The following TEX14 variants were observed in gnomAD, a reference collection of about 807,000 sequenced individuals.
The protein encoded by TEX14 is inactive serine/threonine-protein kinase TEX14.
TEX14 carries 168 observed loss-of-function variants against 178.6 expected under a neutral mutation model. The observed-to-expected ratio is 0.94, with a 90% CI of 0.83 to 1.07. The LOEUF is 1.07. TEX14 is among the 50% of genes least tolerant of loss of function. The pLI is 0.00. For missense variants in TEX14, 1,730 were observed against 1,753.6 expected, an observed-to-expected ratio of 0.99 and a Z score of 0.24; for synonymous variants, 626 against 634.1, an observed-to-expected ratio of 0.99 and a Z score of 0.19.
chr17:58,661,127 T>A (rs747237215), intron 1 of TEX14: 1 of 875,756 alleles, frequency 1.1e-6, no homozygotes, highest in Non-Finnish European at 2.0e-6. Context: ...TATTTTAGCC[T>A]GTCTTTGAGA....
chr17:58,633,242 T>A (rs1226639261), intron 2 of TEX14, among the ~76,000 whole-genome samples: 1 of 152,172 alleles, frequency 6.6e-6, no homozygotes, highest in East Asian at 1.9e-4. Context: ...TCTCAGGAAA[T>A]ATTTCCCTGA....
rs1598432610 is a variant in TEX14 at position 58,670,771 on chromosome 17, T to TCA, written c.-1-18770_-1-18769insTG. On this transcript the variant is annotated intron_variant, in intron 1 of 31. Transcript: ENST00000349033. ...CTGGGCGACAGAGTGAGACTCCCTC[T>TCA]TAAAAAAAAAAAAAAAAAAAAAAAA... 1.6e-3 allele frequency among the ~76,000 whole-genome samples: 13 copies of TCA among 7,956 alleles called. 4 individuals carry two copies. Among genetic ancestry groups the TCA allele is most frequent in the Admixed American group, 4.2e-3 (2 of 474 alleles). The allele number at this position is 7,956 out of a possible 152,430, so 5.2% of individuals were successfully genotyped here. A position where few individuals can be genotyped will look rare whatever the true frequency, so the allele number is the denominator to read the frequency against.
At chr17:58,563,635 A>C in intron 28 of TEX14, among the ~76,000 whole-genome samples, 1 of 25,170 alleles carries the variant, frequency 4.0e-5, no homozygotes, top group African/African-American at 2.0e-4. Flanking sequence ...ATATATATAT[A>C]TATATATATA....
At chr17:58,585,719 T>A in intron 18 of TEX14, 82 bp downstream of exon 18, 1 of 1,411,792 alleles carries the variant, frequency 7.1e-7, no homozygotes. Flanking sequence ...CCTCCCAAAG[T>A]GCTGGAATTA....
At chr17:58,617,086 A>C (rs34556735) in intron 6 of TEX14, among the ~76,000 whole-genome samples, 24,610 of 152,050 alleles carry the variant, frequency 0.16, 2,422 homozygotes, top group Non-Finnish European at 0.21. Context: ...TCCCATCTCT[A>C]CTAAAAATAC....
intron 2 of TEX14, among the ~76,000 whole-genome samples, chr17:58,637,621 G>A (rs1322766894): frequency 1.3e-5 from 2 of 152,348 alleles, no homozygotes; most frequent in African/African-American, 4.8e-5. Flanking sequence ...GGATGGGCCA[G>A]GGAGGGCATG....
At chr17:58,617,025 T>C (rs988648369) in intron 6 of TEX14, among the ~76,000 whole-genome samples, 2 of 152,138 alleles carry the variant, frequency 1.3e-5, no homozygotes, top group East Asian at 3.9e-4. Flanking sequence ...TCAAGGCGGG[T>C]GGACCGATTG....
intron 2 of TEX14, among the ~76,000 whole-genome samples, chr17:58,634,271 G>A (rs2144591239): frequency 6.6e-6 from 1 of 152,000 alleles, no homozygotes; most frequent in East Asian, 1.9e-4. Flanking sequence ...AAATTAGCCG[G>A]GCTTGGTGGC....
intron 1 of TEX14, among the ~76,000 whole-genome samples, chr17:58,680,489 C>A (rs888295633): frequency 1.2e-4 from 19 of 152,150 alleles, no homozygotes; most frequent in African/African-American, 4.6e-4. Flanking sequence ...TGCCTGTAAT[C>A]CCAGCCCTTT....
At chr17:58,643,977 G>A (rs920022407) in intron 2 of TEX14, among the ~76,000 whole-genome samples, 1 of 141,286 alleles carries the variant, frequency 7.1e-6, no homozygotes, top group African/African-American at 2.7e-5. Context: ...GCCTCCTGCA[G>A]CCAGAGCAGC....
chr17:58,587,621 G>A lies in TEX14; in HGVS notation c.2748C>T (p.Ser916=), dbSNP rs755694361. The A allele has an allele frequency of 3.1e-6, 5 of 1,606,798 alleles. No homozygotes were observed. In the Admixed American group the frequency reaches 6.9e-5, roughly 22 times the overall value. ...GTACCTTTCCATCATCTTTATTTCT[G>A]GACTCTGCATTATAGATTTCAGAAG... ...PVSSEIYNAE[S]RNKDDGKVHL... Residue 916 remains serine, a synonymous_variant, in exon 17 of 32, where the codon TCC becomes TCT. Coordinates refer to ENST00000349033, the MANE Select transcript of TEX14 (RefSeq NM_031272.5).
chr17:58,584,816 GCTTGA>G (rs1223143430), intron 18 of TEX14, among the ~76,000 whole-genome samples: 1 of 152,168 alleles, frequency 6.6e-6, no homozygotes, highest in East Asian at 1.9e-4. Context: ...CGAGAGTGAT[GCTTGA>G]CAAGAAACAG....
chr17:58,666,458 C>CAAACAA lies in TEX14; in HGVS notation c.-1-14457_-1-14456insTTGTTT, dbSNP rs1555583923. Reference sequence around the variant, plus strand: ...ACAAAGTGAAACAAACCTTCCACGGCAAAAAAAAAAAAAAAAAAAAAAAAA... The same window carrying CAAACAA: ...ACAAAGTGAAACAAACCTTCCACGGCAAACAAAAAAAAAAAAAAAAAAAAAAAAAAA... On this transcript the variant is annotated intron_variant, in intron 1 of 31. Transcript: ENST00000349033. 157 of 36,850 alleles carry CAAACAA rather than the reference C, an allele frequency of 4.3e-3. 1 individual carries two copies. Among genetic ancestry groups the CAAACAA allele is most frequent in the Middle Eastern group, 0.028 (1 of 36 alleles). The allele number at this position is 36,850 out of a possible 1,614,324, so 2.3% of individuals were successfully genotyped here.
chr17:58,593,888 G>A (rs1453867709), intron 14 of TEX14, among the ~76,000 whole-genome samples: 3 of 152,104 alleles, frequency 2.0e-5, no homozygotes, highest in Non-Finnish European at 4.4e-5. Flanking sequence ...AGGCTGGAGT[G>A]CAGTGGCAAG....
chr17:58,567,947 T>G (rs1042800307), intron 26 of TEX14: 1 of 152,262 alleles, frequency 6.6e-6, no homozygotes, highest in Admixed American at 6.5e-5. Context: ...AGAGAAAAAG[T>G]ATCAGCTATG....
At position 58,588,021 on chromosome 17, in the gene TEX14, G is replaced by A. The variant is rs758175253; in HGVS notation, c.2577C>T (p.Ser859=). 1 of 1,058,576 alleles carries A rather than the reference G, an allele frequency of 9.4e-7. No homozygotes were observed. The highest frequency in any genetic ancestry group is 1.3e-5 in the South Asian group (1 of 79,828). The allele number at this position is 1,058,576 out of a possible 1,614,324, so 65.6% of individuals were successfully genotyped here. A position where few individuals can be genotyped will look rare whatever the true frequency, so the allele number is the denominator to read the frequency against. Residue 859 remains serine, a splice_region_variant and synonymous_variant, in exon 16 of 32, where the codon AGC becomes AGT. Transcript: ENST00000349033. ...CAGTGGACTCTCTAGGTCTTCCCTG[G>A]CTAAGAAATGAAAGGACTGAGCTAT... The part of the protein sequence containing the change: ...LETSRIQNTS[S]QGRPRESTAQ...
chr17:58,558,828 T>C (rs1036954373), intron 30 of TEX14, among the ~76,000 whole-genome samples: 2 of 152,162 alleles, frequency 1.3e-5, no homozygotes, highest in African/African-American at 2.4e-5. Context: ...TTTTGAAGCA[T>C]CTATGTGAGC....
chr17:58,590,803 T>A (rs1296995647), intron 15 of TEX14, among the ~76,000 whole-genome samples: 2 of 152,110 alleles, frequency 1.3e-5, no homozygotes, highest in South Asian at 4.1e-4. Flanking sequence ...GATCTGCCTG[T>A]CTTGGCTTCC....
chr17:58,566,724 A>T (rs1175572641), intron 26 of TEX14, among the ~76,000 whole-genome samples: 10 of 144,742 alleles, frequency 6.9e-5, no homozygotes, highest in East Asian at 4.3e-4. Flanking sequence ...GCTTGAACCC[A>T]GGAGGTGGAG....
Sources: allele counts gnomAD v4.1 joint callset (sites outside exome capture counted in the v4.1 genomes callset), GRCh38; gene constraint gnomAD v4.1.1; transcripts MANE v1.5; gene names NCBI Gene and HGNC (gene_info 2026-07-23, HGNC 2026-07-21).